Variants in FRK observed in about 807,000 individuals in gnomAD.
FRK encodes the protein fyn related Src family tyrosine kinase.
In FRK, 51 loss-of-function variants were observed where a neutral mutation model predicts 56.4. That is an observed-to-expected ratio of 0.90 (90% CI 0.72 to 1.14). The LOEUF (loss-of-function observed/expected upper bound fraction) is 1.14. FRK is among the 50% of genes most tolerant of loss of function. The pLI is 0.00. For synonymous variants in FRK, 245 were observed against 217.9 expected (o/e 1.12, Z -1.10); for missense variants, 570 against 601.4 (o/e 0.95, Z 0.55).
At chr6:116,063,904 G>A (rs1179574606), upstream of FRK, among the ~76,000 whole-genome samples, 8 of 152,112 alleles carry the variant, frequency 5.3e-5, no homozygotes, top group South Asian at 2.1e-4. Flanking sequence ...AAGGTCACAC[G>A]GCCACCAAGT....
intron 2 of FRK, among the ~76,000 whole-genome samples, chr6:115,994,637 G>T (rs781007831): frequency 7.9e-5 from 12 of 152,054 alleles, no homozygotes; most frequent in Non-Finnish European, 1.2e-4. Context: ...TTGCAATTGT[G>T]TCCCTTTCTC....
chr6:115,979,406 T>C (rs923454460), intron 2 of FRK, among the ~76,000 whole-genome samples: 2 of 152,156 alleles, frequency 1.3e-5, no homozygotes, highest in Non-Finnish European at 2.9e-5. Flanking sequence ...AATATTTTTG[T>C]AGAGCTGTAA....
In FRK at chr6:115,939,454, T is replaced by C. The variant is rs1173133212; in HGVS notation, c.*2960A>G. 1 of 152,166 alleles carries C rather than the reference T, an allele frequency of 6.6e-6. No homozygotes were observed. Among genetic ancestry groups the C allele is most frequent in the East Asian group, 1.9e-4 (1 of 5,202 alleles). 9.4% of individuals were successfully genotyped at this position (152,166 alleles called of 1,614,324 possible). On this transcript the variant is annotated 3_prime_UTR_variant, in exon 8 of 8. Transcript: ENST00000606080. ...GGATGCCCCCTCTCACCACTCCTGT[T>C]CAAAATAGTATTGAAAGTTCTGGCC... is the stretch of plus-strand genomic sequence containing the variant.
At chr6:115,966,709 GCA>G (rs1773592661) in intron 4 of FRK, among the ~76,000 whole-genome samples, 1 of 152,144 alleles carries the variant, frequency 6.6e-6, no homozygotes, top group Non-Finnish European at 1.5e-5. Context: ...TAGCAATGTT[GCA>G]CTTTTATAGA....
At position 116,039,082 on chromosome 6, in the gene FRK, G is replaced by T. The variant is rs914414445; in HGVS notation, c.344+20886C>A. On this transcript the variant is annotated intron_variant, in intron 1 of 7. Transcript: ENST00000606080. Reference sequence around the variant, plus strand: ...TTGGGGAGTCAGATAAGCTGATTGGGCAGAAAGTGGCCCATGCTCTGGCAA... The same window carrying T: ...TTGGGGAGTCAGATAAGCTGATTGGTCAGAAAGTGGCCCATGCTCTGGCAA... The T allele has an allele frequency of 1.2e-5, 9 of 775,486 alleles. No individual in the cohort carries two copies. The African/African-American group carries it at 1.5e-4, about 13-fold the overall frequency. 48.0% of individuals were successfully genotyped at this position (775,486 alleles called of 1,614,324 possible).
Position 116,012,605 on chromosome 6 carries a change from C to T in FRK, c.345-8607G>A, listed in dbSNP as rs188195363. 2.9e-4 allele frequency among the ~76,000 whole-genome samples: 44 copies of T among 152,350 alleles called. 1 individual carries two copies. In the East Asian group the frequency reaches 7.9e-3, roughly 27 times the overall value. On this transcript the variant is annotated intron_variant, in intron 1 of 7. Transcript: ENST00000606080. Reference sequence around the variant, plus strand: ...TGTGGCATGAAGCACTGGCCACATGCCCTGTGGAGCTGTTAAATAAATACT... The same window carrying T: ...TGTGGCATGAAGCACTGGCCACATGTCCTGTGGAGCTGTTAAATAAATACT...
At position 116,059,958 on chromosome 6, in the gene FRK, T is replaced by C. The variant is rs1562311018; in HGVS notation, c.344+10A>G. On this transcript the variant is annotated intron_variant, in intron 1 of 7. Transcript: ENST00000606080. ...AGTTCAGAAATTAAGTATAAGTTTG[T>C]ACTACTCACGGCTCTGCCTGTAGGC... 1.2e-6 allele frequency: 2 copies of C among 1,605,898 alleles called. No individual in the cohort carries two copies. Among genetic ancestry groups the C allele is most frequent in the East Asian group, 4.5e-5 (2 of 44,848 alleles).
At chr6:115,998,856 T>A (rs897108144) in intron 2 of FRK, among the ~76,000 whole-genome samples, 1 of 152,232 alleles carries the variant, frequency 6.6e-6, no homozygotes, top group Non-Finnish European at 1.5e-5. Context: ...ATGGCCTCAA[T>A]GTAGTCACTT....
At chr6:116,049,286 G>A (rs79077145) in intron 1 of FRK, among the ~76,000 whole-genome samples, 3,573 of 152,062 alleles carry the variant, frequency 0.023, 142 homozygotes, top group African/African-American at 0.082. Context: ...GCCATTCCCC[G>A]AATACACTTT....
chr6:116,094,686 G>T, the FRK span, among the ~76,000 whole-genome samples: 16 of 152,202 alleles, frequency 1.1e-4, no homozygotes, highest in African/African-American at 3.9e-4. Context: ...GGAAGGAGAG[G>T]GGAGAACAGC....
At position 115,972,134 on chromosome 6, in the gene FRK, C is replaced by T. The variant is rs188381528; in HGVS notation, c.467-3395G>A. ...TCTGTTTCCTGGGCAGTTCTCCCAC[C>T]ACATTCTCCCTTATAGGTCTCCTCT... On this transcript the variant is annotated intron_variant, in intron 2 of 7. Coordinates refer to ENST00000606080, the MANE Select transcript of FRK (RefSeq NM_002031.3). Among the ~76,000 whole-genome samples the T allele has an allele frequency of 1.6e-4, 24 of 152,304 alleles. No homozygotes were observed. The East Asian group carries it at 1.7e-3, about 11-fold the overall frequency.
chr6:115,991,818 T>A (rs541411283), intron 2 of FRK, among the ~76,000 whole-genome samples: 1 of 151,682 alleles, frequency 6.6e-6, no homozygotes, highest in Admixed American at 6.6e-5. Context: ...TCCTCCTCAA[T>A]TTTTTTGAAT....
chr6:115,957,979 C>T (rs919594753), intron 4 of FRK, among the ~76,000 whole-genome samples: 3 of 152,106 alleles, frequency 2.0e-5, no homozygotes, highest in African/African-American at 7.2e-5. Flanking sequence ...TTGGAAAAAC[C>T]AAACAGACCA....
chr6:116,035,942 T>C (rs1776466212), intron 1 of FRK, among the ~76,000 whole-genome samples: 1 of 152,106 alleles, frequency 6.6e-6, no homozygotes, highest in Non-Finnish European at 1.5e-5. Context: ...TATCCTTCTT[T>C]TCCTCCATCC....
In FRK at chr6:115,952,968, C is replaced by T. The variant is rs988533753; in HGVS notation, c.958+3484G>A. Among the ~76,000 whole-genome samples, 19 of 150,794 alleles carry T rather than the reference C, an allele frequency of 1.3e-4. 1 individual carries two copies. The highest frequency in any genetic ancestry group is 1.1e-3 in the South Asian group (5 of 4,722). Reference sequence around the variant, plus strand: ...GGATAGCATTGGGAGATATACCTAACGCTAAATGACGAGTTAATGGATGCA... The same window carrying T: ...GGATAGCATTGGGAGATATACCTAATGCTAAATGACGAGTTAATGGATGCA... On this transcript the variant is annotated intron_variant, in intron 5 of 7. Transcript: ENST00000606080.
chr6:116,009,617 T>C (rs1408626201), intron 1 of FRK, among the ~76,000 whole-genome samples: 1 of 152,146 alleles, frequency 6.6e-6, no homozygotes, highest in African/African-American at 2.4e-5. Flanking sequence ...ATATCTTTAT[T>C]AACAATAACC....
chr6:116,092,309 G>T, the FRK span, among the ~76,000 whole-genome samples: 1 of 152,044 alleles, frequency 6.6e-6, no homozygotes, highest in African/African-American at 2.4e-5. Context: ...CATATGATGA[G>T]AAGTAGGACA....
In FRK at chr6:116,054,505, AATATTATAC is replaced by A. The variant is rs1218448867; in HGVS notation, c.344+5454_344+5462del. ...ATATAATAGTATATTATACTATTAT[AATATTATAC>A]TATATATTATATATTATATAGTATA... On this transcript the variant is annotated intron_variant, in intron 1 of 7. Transcript: ENST00000606080. Among the ~76,000 whole-genome samples, 3 of 130,316 alleles carry A rather than the reference AATATTATAC, an allele frequency of 2.3e-5. No individual in the cohort carries two copies. In the East Asian group the frequency reaches 5.9e-4, roughly 26 times the overall value. The allele number at this position is 130,316 out of a possible 152,430, so 85.5% of individuals were successfully genotyped here.
chr6:116,070,121 A>G, the FRK span, among the ~76,000 whole-genome samples: 1 of 150,126 alleles, frequency 6.7e-6, no homozygotes, highest in African/African-American at 2.5e-5. Context: ...AATGAAGGAA[A>G]CAGCCCATTA....
Sources: gnomAD v4.1 joint callset for allele counts (sites outside exome capture counted in the v4.1 genomes callset) on GRCh38, gnomAD v4.1.1 for gene constraint, MANE v1.5 for transcripts, NCBI Gene and HGNC (gene_info 2026-07-23, HGNC 2026-07-21) for gene names.